HSPH1: variants seen among roughly 807,000 people sequenced by gnomAD.
HSPH1 encodes heat shock protein family H (Hsp110) member 1.
Under a neutral mutation model 100.0 loss-of-function variants are expected in HSPH1, and 40 were observed. The observed-to-expected ratio is 0.40, with a 90% CI of 0.31 to 0.52. HSPH1 has a LOEUF of 0.52. HSPH1 is among the 20% of genes least tolerant of loss of function. HSPH1 has a pLI of 0.54. For missense variants in HSPH1, 876 were observed against 1,015.1 expected, an observed-to-expected ratio of 0.86 and a Z score of 1.86; for synonymous variants, 403 against 344.0, an observed-to-expected ratio of 1.17 and a Z score of -1.90.
rs1329718548 is a variant in HSPH1 at position 31,141,346 on chromosome 13, C to T, written c.1717-87G>A. The T allele has an allele frequency of 1.4e-5, 15 of 1,089,488 alleles. No individual in the cohort carries two copies. In the East Asian group the frequency reaches 3.8e-4, roughly 27 times the overall value. The allele number at this position is 1,089,488 out of a possible 1,614,324, so 67.5% of individuals were successfully genotyped here. On this transcript the variant is annotated intron_variant, in intron 12 of 17. Transcript: ENST00000320027. The stretch of plus-strand genomic sequence containing the variant: ...AAAATGTCCTCATACTTACTGATGA[C>T]TTGGGCAAAAATAAAATCTCTAAAA...
chr13:31,151,289 C>T (rs1956479098), intron 6 of HSPH1, 98 bp from the exon 7 acceptor site: 2 of 952,360 alleles, frequency 2.1e-6, no homozygotes, highest in Admixed American at 2.7e-5. Context: ...GACTAAGAGA[C>T]TCAAGACTAT....
At chr13:31,145,433 A>T in intron 11 of HSPH1, 130 bp downstream of exon 11, 1 of 680,076 alleles carries the variant, frequency 1.5e-6, no homozygotes, top group Non-Finnish European at 2.5e-6. Flanking sequence ...CGCTATTATC[A>T]TTACCTAAAA....
chr13:31,141,046 T>C (rs1170120672), intron 13 of HSPH1, 76 bp downstream of exon 13: 3 of 875,128 alleles, frequency 3.4e-6, no homozygotes, highest in African/African-American at 3.5e-5. Flanking sequence ...TGGCCATTTA[T>C]CTACTAGAAA....
rs1472081482 is a variant in HSPH1 at position 31,150,162 on chromosome 13, C to G, written c.929G>C (p.Cys310Ser). ...KMNRSQFEEL[C>S]AELLQKIEVP... The stretch of plus-strand genomic sequence containing the variant: ...TTCTATCTTTTGCAGAAGTTCAGCA[C>G]AGAGTTCTTCAAATTGTGACCTTAG... The change falls in exon 8 of 18, where the codon TGT becomes TCT. Residue 310 changes from cysteine (C) to serine (S), a missense_variant. Coordinates refer to ENST00000320027, the MANE Select transcript of HSPH1 (RefSeq NM_006644.4). 6.3e-7 allele frequency: 1 copy of G among 1,591,758 alleles called. No individual in the cohort carries two copies. Among genetic ancestry groups the G allele is most frequent in the African/African-American group, 1.4e-5 (1 of 73,976 alleles).
At chr13:31,153,842 A>AC (rs1422378026) in intron 4 of HSPH1, 2 of 151,730 alleles carry the variant, frequency 1.3e-5, no homozygotes, top group Admixed American at 1.3e-4. Context: ...TGGCAAAAAA[A>AC]AAAAAAAGGA....
At chr13:31,162,282 G>A (rs918668230), upstream of HSPH1, 2 of 633,592 alleles carry the variant, frequency 3.2e-6, no homozygotes, top group Non-Finnish European at 5.5e-6. Context: ...CTGGGCGGGC[G>A]GAGACAGACC....
At chr13:31,161,433 G>A in intron 1 of HSPH1, 43 bp downstream of exon 1, 3 of 1,609,202 alleles carry the variant, frequency 1.9e-6, no homozygotes, top group Non-Finnish European at 2.5e-6. Context: ...CACACTAAGG[G>A]CCCAGAACCT....
intron 10 of HSPH1, among the ~76,000 whole-genome samples, chr13:31,146,965 TGAAG>T (rs904838183): frequency 1.3e-5 from 2 of 152,184 alleles, no homozygotes; most frequent in African/African-American, 4.8e-5. Flanking sequence ...CACTGAAAGA[TGAAG>T]GAATACACCT....
chr13:31,145,341 A>G (rs527752929), intron 11 of HSPH1, among the ~76,000 whole-genome samples: 74 of 152,300 alleles, frequency 4.9e-4, no homozygotes, highest in African/African-American at 1.8e-3. Context: ...TCTGTCATAT[A>G]CTAGTTACTT....
intron 17 of HSPH1, among the ~76,000 whole-genome samples, chr13:31,137,828 G>C (rs756397417): frequency 3.3e-5 from 5 of 152,116 alleles, no homozygotes; most frequent in Non-Finnish European, 5.9e-5. Flanking sequence ...AAGAGGTTAA[G>C]TAACTTCAAG....
At chr13:31,142,877 T>C (rs1956145929) in intron 12 of HSPH1, among the ~76,000 whole-genome samples, 1 of 151,976 alleles carries the variant, frequency 6.6e-6, no homozygotes, top group Middle Eastern at 3.2e-3. Flanking sequence ...ATAACCACCA[T>C]CATCACACAA....
At chr13:31,161,915 G>A (rs1409199871), upstream of HSPH1, 10 of 1,514,188 alleles carry the variant, frequency 6.6e-6, no homozygotes, top group Non-Finnish European at 8.8e-6. Flanking sequence ...AAAAGGGGAG[G>A]TCCCACTTCC....
chr13:31,150,453 C>T (rs753869332), intron 7 of HSPH1, among the ~76,000 whole-genome samples: 2 of 152,106 alleles, frequency 1.3e-5, no homozygotes, highest in Non-Finnish European at 2.9e-5. Context: ...AAATTTTTCC[C>T]CCTGACACAG....
upstream of HSPH1, chr13:31,162,129 A>T: frequency 6.5e-7 from 1 of 1,529,978 alleles, no homozygotes; most frequent in Non-Finnish European, 8.8e-7. Flanking sequence ...CCATTGGCTC[A>T]AACCTGCCTC....
At chr13:31,141,834 TTAC>T (rs1956108550) in intron 12 of HSPH1, among the ~76,000 whole-genome samples, 1 of 144,592 alleles carries the variant, frequency 6.9e-6, no homozygotes. Context: ...ACACACATTA[TTAC>T]TATCCACCTT....
chr13:31,157,554 A>G (rs1248005017), intron 2 of HSPH1, among the ~76,000 whole-genome samples: 1 of 152,212 alleles, frequency 6.6e-6, no homozygotes, highest in Non-Finnish European at 1.5e-5. Flanking sequence ...ATCTGACCTG[A>G]TTTTTTAATA....
chr13:31,158,036 C>T (rs1224574167), intron 2 of HSPH1, among the ~76,000 whole-genome samples: 1 of 152,154 alleles, frequency 6.6e-6, no homozygotes, highest in East Asian at 1.9e-4. Flanking sequence ...ACATGGCTAC[C>T]ATATTTTTTA....
intron 2 of HSPH1, among the ~76,000 whole-genome samples, chr13:31,157,906 A>G (rs1956755861): frequency 6.7e-6 from 1 of 149,660 alleles, no homozygotes; most frequent in South Asian, 2.2e-4. Context: ...GTCAACAGAA[A>G]AAAATTGATC....
intron 2 of HSPH1, among the ~76,000 whole-genome samples, chr13:31,158,186 C>T (rs529807242): frequency 2.0e-5 from 3 of 152,292 alleles, no homozygotes; most frequent in East Asian, 3.9e-4. Context: ...AGAAACTTCA[C>T]AAGAACTTAA....
Sources: allele counts gnomAD v4.1 joint callset (sites outside exome capture counted in the v4.1 genomes callset), GRCh38; gene constraint gnomAD v4.1.1; transcripts MANE v1.5; gene names NCBI Gene and HGNC (gene_info 2026-07-23, HGNC 2026-07-21).